The following NFAT5 variants were observed in gnomAD, a reference collection of about 807,000 sequenced individuals.
NFAT5 encodes the protein nuclear factor of activated T cells 5.
In NFAT5, 31 loss-of-function variants were observed where a neutral mutation model predicts 166.5. The ratio of observed to expected loss-of-function variants is 0.19; its 90% CI spans 0.14 to 0.25. The LOEUF is 0.25. Ranked by LOEUF, NFAT5 falls within the 10% of genes least tolerant of loss-of-function variation. The pLI, the probability that NFAT5 is intolerant of heterozygous loss-of-function variation, is 1.00. For synonymous variants in NFAT5, 612 were observed against 639.7 expected (o/e 0.96, Z 0.65); for missense variants, 1,449 against 1,821.8 (o/e 0.80, Z 3.72).
At chr16:69,605,912 AC>A (rs1216400030) in intron 2 of NFAT5, among the ~76,000 whole-genome samples, 2 of 151,842 alleles carry the variant, frequency 1.3e-5, no homozygotes, top group Non-Finnish European at 2.9e-5. Flanking sequence ...ACGGGGTTTC[AC>A]CTTGTTAGCC....
chr16:69,611,645 T>C (rs1238801957), intron 2 of NFAT5, among the ~76,000 whole-genome samples: 2 of 152,244 alleles, frequency 1.3e-5, no homozygotes, highest in Non-Finnish European at 2.9e-5. Context: ...TGCTTTCTTA[T>C]TGTGTACCCA....
chr16:69,592,194 C>G (rs1195359775), intron 2 of NFAT5, among the ~76,000 whole-genome samples: 1 of 150,792 alleles, frequency 6.6e-6, no homozygotes, highest in Non-Finnish European at 1.5e-5. Context: ...ATTTTCCTGC[C>G]TCAACCTCCC....
chr16:69,577,012 G>C (rs2016798104), intron 2 of NFAT5, among the ~76,000 whole-genome samples: 1 of 152,218 alleles, frequency 6.6e-6, no homozygotes, highest in African/African-American at 2.4e-5. Flanking sequence ...GAAGAGATGA[G>C]CAACAGAAGA....
chr16:69,694,230 A>C lies in NFAT5; in HGVS notation c.4405A>C (p.Ile1469Leu). The C allele has an allele frequency of 6.2e-7, 1 of 1,601,854 alleles. No individual in the cohort carries two copies. The highest frequency in any genetic ancestry group is 8.5e-7 in the Non-Finnish European group (1 of 1,175,654). Residue 1469 changes from isoleucine to leucine, a missense_variant, in exon 13 of 15, where the codon ATT (isoleucine) becomes CTT (leucine). Coordinates refer to ENST00000349945, the MANE Select transcript of NFAT5 (RefSeq NM_138713.4). ...GACATCAGGAATGTTCTTATTTGGCATTCAAAATAGTAAGAAACTCTAATT... is the reference window on the plus strand; with the variant it reads ...GACATCAGGAATGTTCTTATTTGGCCTTCAAAATAGTAAGAAACTCTAATT... The part of the protein sequence containing the change: ...QQTSGMFLFG[I>L]QNNCSQLLTS...
intron 2 of NFAT5, among the ~76,000 whole-genome samples, chr16:69,620,121 A>G (rs1258867375): frequency 5.9e-5 from 9 of 152,232 alleles, no homozygotes; most frequent in African/African-American, 9.6e-5. Flanking sequence ...TTTATTTTCA[A>G]TATCTGAAAA....
chr16:69,675,261 G>A (rs1449561240), intron 9 of NFAT5, among the ~76,000 whole-genome samples: 2 of 152,220 alleles, frequency 1.3e-5, no homozygotes, highest in East Asian at 3.8e-4. Context: ...CAAGAAACAA[G>A]TTTTTATTCA....
At chr16:69,602,270 C>CT (rs66903207) in intron 2 of NFAT5, among the ~76,000 whole-genome samples, 7,989 of 136,520 alleles carry the variant, frequency 0.059, 744 homozygotes, top group African/African-American at 0.2. Flanking sequence ...TGGTTATTAT[C>CT]TTTTTTTTTT....
rs2037927995 is a variant in NFAT5, at chr16:69,703,270, A to C, written c.*6919A>C. 1 of 152,590 alleles carries C rather than the reference A, an allele frequency of 6.6e-6. No individual in the cohort carries two copies. Among genetic ancestry groups the C allele is most frequent in the African/African-American group, 2.4e-5 (1 of 41,434 alleles). The allele number at this position is 152,590 out of a possible 1,614,324, so 9.5% of individuals were successfully genotyped here. A position where few individuals can be genotyped will look rare whatever the true frequency, so the allele number is the denominator to read the frequency against. ...TTAACTTATTTTTTTAATAGGTAAA[A>C]CTTCTTCAAAAGTAGCTTGCTTTGT... On this transcript the variant is annotated 3_prime_UTR_variant, in exon 15 of 15. Transcript: ENST00000349945.
chr16:69,643,339 T>C (rs1327038594), intron 3 of NFAT5, among the ~76,000 whole-genome samples: 1 of 152,092 alleles, frequency 6.6e-6, no homozygotes, highest in Non-Finnish European at 1.5e-5. Flanking sequence ...CCCAGGAGGA[T>C]TTGTCAGCAC....
chr16:69,698,609 C>CT lies in NFAT5; in HGVS notation c.*2259dup, dbSNP rs1248487060. ...TTAGTTCCTTGATGTCAGTAGTGGG[C>CT]TAAAGGCAGCTTACTGTGTGTTTGC... On this transcript the variant is annotated 3_prime_UTR_variant, in exon 15 of 15. Coordinates refer to ENST00000349945, the MANE Select transcript of NFAT5 (RefSeq NM_138713.4). 1.3e-5 allele frequency: 2 copies of CT among 152,440 alleles called. No individual in the cohort carries two copies. The highest frequency in any genetic ancestry group is 1.3e-4 in the Admixed American group (2 of 15,256). 9.4% of individuals were successfully genotyped at this position (152,440 alleles called of 1,614,324 possible). A position where few individuals can be genotyped will look rare whatever the true frequency, so the allele number is the denominator to read the frequency against.
At chr16:69,622,768 C>G (rs749867415) in intron 2 of NFAT5, among the ~76,000 whole-genome samples, 7 of 151,142 alleles carry the variant, frequency 4.6e-5, no homozygotes, top group Non-Finnish European at 8.8e-5. Context: ...ATCATAAATG[C>G]ATTTGGGTAG....
intron 2 of NFAT5, among the ~76,000 whole-genome samples, chr16:69,598,247 G>T (rs1350211254): frequency 1.3e-5 from 2 of 151,828 alleles, no homozygotes; most frequent in African/African-American, 2.4e-5. Flanking sequence ...GCATGGTGGT[G>T]TGTGCCTGCA....
chr16:69,692,763 T>C lies in NFAT5; in HGVS notation c.2938T>C (p.Ser980Pro), dbSNP rs376327806. ...CELFSSPPAV[S>P]GNETSTTTTQ... ...ATTGTTTTCTTCTCCTCCTGCAGTT[T>C]CTGGAAATGAAACTTCTACAACTAC... Residue 980 changes from serine to proline, a missense_variant, in exon 13 of 15, where the codon TCT (serine) becomes CCT (proline). Around this residue, in one of 7 missense-constraint regions of NFAT5, gnomAD observed 891 missense variants for 993.0 expected, o/e 0.90. Transcript: ENST00000349945. 8 of 1,614,096 alleles carry C rather than the reference T, an allele frequency of 5.0e-6. No homozygotes were observed. The highest frequency in any genetic ancestry group is 6.8e-6 in the Non-Finnish European group (8 of 1,180,038).
At chr16:69,635,602 A>T (rs1192968624) in intron 3 of NFAT5, among the ~76,000 whole-genome samples, 1 of 152,176 alleles carries the variant, frequency 6.6e-6, no homozygotes, top group Non-Finnish European at 1.5e-5. Flanking sequence ...ACAGTTCCAC[A>T]TGGCTAGGGA....
chr16:69,649,300 T>C (rs2151625712), intron 4 of NFAT5: 1 of 964,494 alleles, frequency 1.0e-6, no homozygotes, highest in Non-Finnish European at 1.2e-6. Flanking sequence ...AGATAAATTT[T>C]CATTTTTATA....
At chr16:69,604,089 A>T (rs1234519648) in intron 2 of NFAT5, among the ~76,000 whole-genome samples, 1 of 152,154 alleles carries the variant, frequency 6.6e-6, no homozygotes. Flanking sequence ...AGATAGTATC[A>T]TTACTCCTAT....
intron 2 of NFAT5, among the ~76,000 whole-genome samples, chr16:69,588,635 A>G (rs1468834235): frequency 6.6e-6 from 1 of 152,250 alleles, no homozygotes; most frequent in Non-Finnish European, 1.5e-5. Flanking sequence ...AGAATCATCA[A>G]CTACTAACTA....
intron 14 of NFAT5, 196 bp downstream of exon 14, chr16:69,695,575 G>T: frequency 1.9e-6 from 1 of 521,060 alleles, no homozygotes; most frequent in Non-Finnish European, 3.4e-6. Context: ...CGGGCGTGGT[G>T]GCTCATGCCT....
chr16:69,604,073 A>C (rs1176558084), intron 2 of NFAT5, among the ~76,000 whole-genome samples: 1 of 152,168 alleles, frequency 6.6e-6, no homozygotes, highest in Non-Finnish European at 1.5e-5. Flanking sequence ...CAACCATATA[A>C]AGTCTAGATA....
Sources: allele counts gnomAD v4.1 joint callset (sites outside exome capture counted in the v4.1 genomes callset), GRCh38; gene constraint gnomAD v4.1.1; regional missense constraint gnomAD v4.1.1; transcripts MANE v1.5; gene names NCBI Gene and HGNC (gene_info 2026-07-23, HGNC 2026-07-21).